Variants in WNT2B observed in about 807,000 individuals in gnomAD.
WNT2B encodes Wnt family member 2B, also known as protein Wnt-2b.
A neutral mutation model predicts 40.5 loss-of-function variants in WNT2B; 19 were observed. That is an observed-to-expected ratio of 0.47 (90% CI 0.33 to 0.69). The LOEUF is 0.69. WNT2B is among the 30% of genes least tolerant of loss of function. The probability of loss-of-function intolerance (pLI) is 0.02; values close to 1 mark genes in which losing one functional copy is unlikely to be tolerated. For synonymous variants in WNT2B, 220 were observed against 211.9 expected (o/e 1.04, Z -0.33); for missense variants, 467 against 556.4 (o/e 0.84, Z 1.62).
In WNT2B at chr1:112,509,397, G is replaced by C. The variant is rs1215996061; in HGVS notation, c.135G>C (p.Leu45=). 6.3e-6 allele frequency: 10 copies of C among 1,596,008 alleles called. No homozygotes were observed. Among genetic ancestry groups the C allele is most frequent in the Non-Finnish European group, 8.5e-6 (10 of 1,177,068 alleles). Residue 45 remains leucine (L), a synonymous_variant, in exon 1 of 5, where the codon CTG becomes CTC. Transcript: ENST00000369684. This position sits in a 1 kb window ranked among gnomAD's most constrained non-coding sequence, Gnocchi z 4.2. ...CCCGCCTAGGTCTTGCCTGCCTTCT[G>C]CTCCTGCTGCTGCTGACGCTGCCGG... The part of the protein sequence containing the change: ...ASARLGLACL[L]LLLLLTLPAR...
chr1:112,493,699 G>A (rs2749125), intron 1 of WNT2B, among the ~76,000 whole-genome samples: 62,244 of 151,730 alleles, frequency 0.41, 13,543 homozygotes, highest in South Asian at 0.57. Context: ...CAAGAACGGC[G>A]GGACAACTAT....
chr1:112,476,116 GA>G (rs779328985), intron 1 of WNT2B, among the ~76,000 whole-genome samples: 20 of 152,218 alleles, frequency 1.3e-4, no homozygotes, highest in Admixed American at 5.9e-4. Context: ...GGCCACAATG[GA>G]ATTCAATTAG....
chr1:112,474,704 C>A (rs369548919), intron 1 of WNT2B, among the ~76,000 whole-genome samples: 1 of 152,172 alleles, frequency 6.6e-6, no homozygotes, highest in East Asian at 1.9e-4. Context: ...GTTATGGTTT[C>A]AATCTGTATC....
intron 1 of WNT2B, among the ~76,000 whole-genome samples, chr1:112,502,250 C>T (rs1651982188): frequency 6.6e-6 from 1 of 152,172 alleles, no homozygotes; most frequent in African/African-American, 2.4e-5. Context: ...CGTCCCCGTG[C>T]CCTCCAGCTG....
intron 1 of WNT2B, among the ~76,000 whole-genome samples, chr1:112,478,594 A>T (rs531177966): frequency 3.0e-4 from 45 of 152,320 alleles, no homozygotes; most frequent in Non-Finnish European, 4.0e-4. Flanking sequence ...AATGCCATTT[A>T]AGAATACTAT....
chr1:112,490,768 C>A (rs1018667701), intron 1 of WNT2B, among the ~76,000 whole-genome samples: 2 of 152,006 alleles, frequency 1.3e-5, no homozygotes, highest in Non-Finnish European at 2.9e-5. Context: ...GGATTACAGG[C>A]GTGAGCCCCC....
chr1:112,509,103 A>C lies in WNT2B; in HGVS notation c.-160A>C. ...ATCGCAACTTGCGCCCCTCTCGGGG[A>C]TCCTCCTCCCGGGCTCTGGACCCCA... On this transcript the variant is annotated 5_prime_UTR_variant, in exon 1 of 5. Coordinates refer to ENST00000369684, the MANE Select transcript of WNT2B (RefSeq NM_024494.3). The surrounding 1 kb of genome is among the most constrained non-coding windows in gnomAD (Gnocchi z 4.2). 1.5e-6 allele frequency: 2 copies of C among 1,351,408 alleles called. No individual in the cohort carries two copies. Among genetic ancestry groups the C allele is most frequent in the Non-Finnish European group, 1.9e-6 (2 of 1,059,918 alleles). 83.7% of individuals were successfully genotyped at this position (1,351,408 alleles called of 1,614,324 possible).
At chr1:112,472,592 CTG>C (rs1190883797) in intron 1 of WNT2B, among the ~76,000 whole-genome samples, 2 of 147,188 alleles carry the variant, frequency 1.4e-5, no homozygotes, top group Non-Finnish European at 3.0e-5. Flanking sequence ...AAGGATAAAA[CTG>C]TTTCTAAATA....
Position 112,527,600 on chromosome 1 carries a change from CTGA to C in WNT2B, c.*7095_*7097del, listed in dbSNP as rs1653669303. On this transcript the variant is annotated 3_prime_UTR_variant, in exon 5 of 5. Coordinates refer to ENST00000369684, the MANE Select transcript of WNT2B (RefSeq NM_024494.3). The stretch of plus-strand genomic sequence containing the variant: ...GAGCAGGAGAGTGTTGAATGAGCTG[CTGA>C]TGACAGCAGCTTCATAGGTCTTGTG... 6.6e-6 allele frequency: 1 copy of C among 152,648 alleles called. No homozygotes were observed. The highest frequency in any genetic ancestry group is 1.5e-5 in the Non-Finnish European group (1 of 68,050). 9.5% of individuals were successfully genotyped at this position (152,648 alleles called of 1,614,324 possible). A position where few individuals can be genotyped will look rare whatever the true frequency, so the allele number is the denominator to read the frequency against.
At chr1:112,482,484 T>A (rs1651258819) in intron 1 of WNT2B, among the ~76,000 whole-genome samples, 1 of 152,098 alleles carries the variant, frequency 6.6e-6, no homozygotes, top group South Asian at 2.1e-4. Flanking sequence ...TACAGGCACA[T>A]GCCACCAGCC....
intron 1 of WNT2B, among the ~76,000 whole-genome samples, chr1:112,478,290 TA>T (rs200355435): frequency 6.6e-4 from 99 of 150,586 alleles, no homozygotes; most frequent in Middle Eastern, 3.4e-3. Flanking sequence ...GAAAGCTTAT[TA>T]AAAAAAAATA....
At chr1:112,520,232 C>A (rs1383164849) in intron 4 of WNT2B, 48 bp from the exon 5 acceptor site, 1 of 1,547,016 alleles carries the variant, frequency 6.5e-7, no homozygotes, top group Non-Finnish European at 8.9e-7. Context: ...GTATCCAGGG[C>A]AGCTGAAGAG....
At position 112,520,345 on chromosome 1, in the gene WNT2B, A is replaced by G. The variant is rs554400148; in HGVS notation, c.1012A>G (p.Met338Val). Residue 338 changes from methionine to valine, a missense_variant, in exon 5 of 5, where the codon ATG (methionine) becomes GTG (valine). Coordinates refer to ENST00000369684, the MANE Select transcript of WNT2B (RefSeq NM_024494.3). ...TSKGTDGCEI[M>V]CCGRGYDTTR... The stretch of plus-strand genomic sequence containing the variant: ...AAAAGGAACAGACGGTTGTGAAATC[A>G]TGTGCTGTGGCCGAGGGTACGACAC... 1 of 1,614,162 alleles carries G rather than the reference A, an allele frequency of 6.2e-7. No individual in the cohort carries two copies. Among genetic ancestry groups the G allele is most frequent in the Non-Finnish European group, 8.5e-7 (1 of 1,180,034 alleles).
intron 1 of WNT2B, among the ~76,000 whole-genome samples, chr1:112,473,603 T>C (rs1650959107): frequency 1.3e-5 from 2 of 152,106 alleles, no homozygotes; most frequent in African/African-American, 4.8e-5. Flanking sequence ...TTGGGTCACA[T>C]TCAGGTGACC....
At chr1:112,497,651 T>G (rs191787447) in intron 1 of WNT2B, among the ~76,000 whole-genome samples, 1 of 152,328 alleles carries the variant, frequency 6.6e-6, no homozygotes, top group East Asian at 1.9e-4. Context: ...CCTGACTTCC[T>G]TCTATCCTTA....
intron 1 of WNT2B, among the ~76,000 whole-genome samples, chr1:112,486,841 C>T (rs142550467): frequency 0.011 from 1,659 of 152,116 alleles, 26 homozygotes; most frequent in African/African-American, 0.038. Flanking sequence ...TATGTGTTGA[C>T]GAGAATGTAG....
chr1:112,490,553 G>GCA (rs1651566281), intron 1 of WNT2B, among the ~76,000 whole-genome samples: 1 of 151,512 alleles, frequency 6.6e-6, no homozygotes, highest in African/African-American at 2.4e-5. Context: ...GCAGAGGCAG[G>GCA]ATCTCAGCTC....
chr1:112,518,498 G>A (rs1447768396), intron 4 of WNT2B: 2 of 152,158 alleles, frequency 1.3e-5, no homozygotes, highest in Admixed American at 6.6e-5. Context: ...AAAGTAGTCT[G>A]TATACTTTGT....
Position 112,509,857 on chromosome 1 carries a change from G to A in WNT2B, c.182+413G>A, listed in dbSNP as rs777360404. 6.6e-6 allele frequency among the ~76,000 whole-genome samples: 1 copy of A among 152,210 alleles called. No individual in the cohort carries two copies. The highest frequency in any genetic ancestry group is 1.5e-5 in the Non-Finnish European group (1 of 68,040). On this transcript the variant is annotated intron_variant, in intron 1 of 4. Transcript: ENST00000369684. This position sits in a 1 kb window ranked among gnomAD's most constrained non-coding sequence, Gnocchi z 4.2. ...GTCGCCCTCTGAGAGGTGGAGAAAG[G>A]GGCAGCTCGCTAGTCTAGCCCACCC...
Sources: gnomAD v4.1 joint callset for allele counts (sites outside exome capture counted in the v4.1 genomes callset) on GRCh38, gnomAD v4.1.1 for gene constraint, Gnocchi (gnomAD v3.1) non-coding constraint, MANE v1.5 for transcripts, NCBI Gene and HGNC (gene_info 2026-07-23, HGNC 2026-07-21) for gene names.